CHSY3: variants seen among roughly 807,000 people sequenced by gnomAD.
CHSY3 encodes chondroitin sulfate synthase 3.
Under a neutral mutation model 67.2 loss-of-function variants are expected in CHSY3, and 35 were observed. That is an observed-to-expected ratio of 0.52 (90% CI 0.40 to 0.69). The LOEUF (loss-of-function observed/expected upper bound fraction) is 0.69, where lower values mean the gene tolerates loss of function less well. CHSY3 is among the 30% of genes least tolerant of loss of function. CHSY3 has a pLI of 0.00. For missense variants in CHSY3, 1,069 were observed against 1,138.5 expected, an observed-to-expected ratio of 0.94 and a Z score of 0.88; for synonymous variants, 474 against 434.7, an observed-to-expected ratio of 1.09 and a Z score of -1.12.
chr5:130,061,100 C>A (rs181669166), intron 2 of CHSY3, among the ~76,000 whole-genome samples: 2 of 152,142 alleles, frequency 1.3e-5, no homozygotes, highest in East Asian at 1.9e-4. Context: ...CCCTGAATAG[C>A]CAAAGCAATC....
intron 2 of CHSY3, among the ~76,000 whole-genome samples, chr5:130,095,473 A>T (rs1183512389): frequency 6.6e-6 from 1 of 152,234 alleles, no homozygotes; most frequent in East Asian, 1.9e-4. Context: ...CAATAAAAAG[A>T]TTATAATAGT....
At chr5:130,141,494 G>A (rs1580775231) in intron 2 of CHSY3, 2 of 370,040 alleles carry the variant, frequency 5.4e-6, no homozygotes, top group Middle Eastern at 1.1e-3. Flanking sequence ...CTCTCTTGTG[G>A]CCCAGAGTAA....
At chr5:130,121,231 G>A (rs1561545940) in intron 2 of CHSY3, among the ~76,000 whole-genome samples, 1 of 152,088 alleles carries the variant, frequency 6.6e-6, no homozygotes, top group Non-Finnish European at 1.5e-5. Flanking sequence ...GAATATCCAG[G>A]TTCTAAAATC....
intron 2 of CHSY3, among the ~76,000 whole-genome samples, chr5:130,018,829 A>G (rs1580654294): frequency 6.6e-6 from 1 of 152,140 alleles, no homozygotes; most frequent in East Asian, 1.9e-4. Flanking sequence ...GTGCCCTTCT[A>G]GGTCAGTGAG....
intron 2 of CHSY3, among the ~76,000 whole-genome samples, chr5:129,944,358 G>T (rs1761785855): frequency 6.6e-6 from 1 of 152,058 alleles, no homozygotes; most frequent in Non-Finnish European, 1.5e-5. Flanking sequence ...CTTATAAATT[G>T]CCTGTGATAA....
intron 2 of CHSY3, among the ~76,000 whole-genome samples, chr5:129,986,293 T>G (rs1763199615): frequency 6.6e-6 from 1 of 152,202 alleles, no homozygotes. Context: ...ATCATGTGGT[T>G]TTTGTTTCAG....
rs146888281 is a variant in CHSY3, at chr5:130,102,512, C to A, written c.1087-81717C>A. Among the ~76,000 whole-genome samples, 192 of 151,768 alleles carry A rather than the reference C, an allele frequency of 1.3e-3. 1 individual carries two copies. Among genetic ancestry groups the A allele is most frequent in the African/African-American group, 3.8e-3 (158 of 41,426 alleles). On this transcript the variant is annotated intron_variant, in intron 2 of 2. Transcript: ENST00000305031. ...ACAAAAAAAAAAAATGACTAGTGAGCAATAATATTTCTGGTCGTTTTTAGC... is the reference window on the plus strand; with the variant it reads ...ACAAAAAAAAAAAATGACTAGTGAGAAATAATATTTCTGGTCGTTTTTAGC...
chr5:129,964,503 A>G (rs1580589461), intron 2 of CHSY3, among the ~76,000 whole-genome samples: 1 of 151,846 alleles, frequency 6.6e-6, no homozygotes, highest in East Asian at 2.0e-4. Context: ...GCATTCAGAT[A>G]TAGGACTCCA....
At position 129,905,106 on chromosome 5, in the gene CHSY3, C is replaced by G; in HGVS notation, c.277C>G (p.Pro93Ala). The change falls in exon 1 of 3, where the codon CCC becomes GCC. Residue 93 changes from proline (P) to alanine (A), a missense_variant. Around this residue, in one of 5 missense-constraint regions of CHSY3, gnomAD observed 309 missense variants for 262.5 expected, o/e 1.18. Coordinates refer to ENST00000305031, the MANE Select transcript of CHSY3 (RefSeq NM_175856.5). ...LQGPPLPEAA[P>A]GITSFRSSPW... is the part of the protein sequence containing the mutation. ...GGGGCCACCGCTGCCCGAGGCAGCA[C>G]CCGGGATCACCAGTTTTCGAAGCAG... 1 of 1,540,294 alleles carries G rather than the reference C, an allele frequency of 6.5e-7. No homozygotes were observed.
intron 2 of CHSY3, among the ~76,000 whole-genome samples, chr5:130,046,778 T>A (rs933800323): frequency 6.6e-6 from 1 of 152,120 alleles, no homozygotes; most frequent in Non-Finnish European, 1.5e-5. Context: ...TCAGTTTTTT[T>A]AAATTTACTA....
intron 2 of CHSY3, among the ~76,000 whole-genome samples, chr5:130,073,460 G>T (rs563226188): frequency 6.6e-6 from 1 of 151,950 alleles, no homozygotes; most frequent in Non-Finnish European, 1.5e-5. Flanking sequence ...ACTAGTTTTG[G>T]TATTTTTAGT....
At chr5:130,178,215 ATATATTTATATT>A (rs1351845024) in intron 2 of CHSY3, among the ~76,000 whole-genome samples, 15 of 104,790 alleles carry the variant, frequency 1.4e-4, no homozygotes, top group African/African-American at 5.3e-4. Context: ...ATATATATGT[ATATATTTATATT>A]TATATATATA....
intron 2 of CHSY3, among the ~76,000 whole-genome samples, chr5:129,966,025 A>G (rs537711910): frequency 6.6e-6 from 1 of 152,028 alleles, no homozygotes; most frequent in East Asian, 1.9e-4. Context: ...GCAAAGATGT[A>G]AAGCTCCATC....
At chr5:130,101,254 G>A (rs1347951572) in intron 2 of CHSY3, among the ~76,000 whole-genome samples, 2 of 152,018 alleles carry the variant, frequency 1.3e-5, no homozygotes, top group African/African-American at 2.4e-5. Flanking sequence ...GAGCAATCAC[G>A]ATCAGTTTAA....
intron 2 of CHSY3, among the ~76,000 whole-genome samples, chr5:129,940,717 T>C: frequency 6.6e-6 from 1 of 152,038 alleles, no homozygotes; most frequent in East Asian, 1.9e-4. Flanking sequence ...ATATAGTATA[T>C]ACAGGTGTAT....
intron 2 of CHSY3, among the ~76,000 whole-genome samples, chr5:130,107,796 G>A (rs1159696188): frequency 6.6e-6 from 1 of 151,518 alleles, no homozygotes; most frequent in East Asian, 1.9e-4. Context: ...TGCCTGCAAA[G>A]CAAGCTCTAT....
intron 2 of CHSY3, among the ~76,000 whole-genome samples, chr5:130,055,701 A>AGCT (rs1057000191): frequency 2.0e-5 from 3 of 151,904 alleles, no homozygotes; most frequent in South Asian, 2.1e-4. Context: ...CAGCAGCAGC[A>AGCT]GCTGCTGCTG....
At chr5:129,950,357 A>G (rs1761990925) in intron 2 of CHSY3, among the ~76,000 whole-genome samples, 1 of 152,158 alleles carries the variant, frequency 6.6e-6, no homozygotes, top group Non-Finnish European at 1.5e-5. Context: ...CTGTAAAACC[A>G]GGAACAAAGA....
intron 2 of CHSY3, among the ~76,000 whole-genome samples, chr5:130,124,039 CAAAAAAAAAAAAA>C (rs11297427): frequency 5.2e-5 from 3 of 58,232 alleles, no homozygotes; most frequent in African/African-American, 2.2e-4. Context: ...GACTCCATCT[CAAAAAAAAAAAAA>C]AAAAAAAAAA....
Sources: allele counts gnomAD v4.1 joint callset (sites outside exome capture counted in the v4.1 genomes callset), GRCh38; gene constraint gnomAD v4.1.1; regional missense constraint gnomAD v4.1.1; transcripts MANE v1.5; gene names NCBI Gene and HGNC (gene_info 2026-07-23, HGNC 2026-07-21).